HEATR5B: variants seen among roughly 807,000 people sequenced by gnomAD.
HEATR5B encodes HEAT repeat containing 5B.
HEATR5B carries 156 observed loss-of-function variants against 224.1 expected under a neutral mutation model. The observed-to-expected ratio is 0.70, with a 90% CI of 0.61 to 0.80. The LOEUF is 0.80. Among genes scored for constraint, HEATR5B ranks in the 30% least tolerant of loss-of-function variants. The pLI is 0.00. For synonymous variants in HEATR5B, 1,027 were observed against 893.0 expected (o/e 1.15, Z -2.68); for missense variants, 2,323 against 2,535.5 (o/e 0.92, Z 1.80).
chr2:37,039,085 C>T (rs1669711222), intron 20 of HEATR5B, among the ~76,000 whole-genome samples: 1 of 150,540 alleles, frequency 6.6e-6, no homozygotes, highest in African/African-American at 2.4e-5. Flanking sequence ...CTTTGCAAGG[C>T]TGAGATGGGA....
In HEATR5B at chr2:36,997,671, G is replaced by A. The variant is rs373376118; in HGVS notation, c.5545+2915C>T. 4.1e-5 allele frequency among the ~76,000 whole-genome samples: 6 copies of A among 146,184 alleles called. No individual in the cohort carries two copies. The East Asian group carries it at 6.2e-4, about 15-fold the overall frequency. On this transcript the variant is annotated intron_variant, in intron 33 of 35. Coordinates refer to ENST00000233099, the MANE Select transcript of HEATR5B (RefSeq NM_019024.3). The stretch of plus-strand genomic sequence containing the variant: ...AACCTCTGCCACCCAGGTTCATGCC[G>A]TTCTCCTGCCTCAGCCTCCCAAGCA...
Position 36,997,182 on chromosome 2 carries a change from TTTTG to T in HEATR5B, c.5545+3400_5545+3403del, listed in dbSNP as rs1259554839. 5.9e-5 allele frequency among the ~76,000 whole-genome samples: 9 copies of T among 152,244 alleles called. No individual in the cohort carries two copies. The South Asian group carries it at 6.2e-4, about 11-fold the overall frequency. ...TGTTTTGATGGGTAGAAGTTAATTT[TTTTG>T]TTTGTTTGTTTGTTTTGAGATAGGG... On this transcript the variant is annotated intron_variant, in intron 33 of 35. Transcript: ENST00000233099.
intron 18 of HEATR5B, among the ~76,000 whole-genome samples, chr2:37,044,520 G>A (rs2148508121): frequency 6.6e-6 from 1 of 152,212 alleles, no homozygotes; most frequent in East Asian, 1.9e-4. Context: ...ATTGATAATT[G>A]TGGATACTTT....
At chr2:37,041,082 T>C (rs758026088) in intron 19 of HEATR5B, 51 bp downstream of exon 19, 35 of 1,483,478 alleles carry the variant, frequency 2.4e-5, no homozygotes, top group Non-Finnish European at 3.2e-5. Context: ...GCAAATAATT[T>C]TCCAAAAAAT....
At chr2:37,072,611 C>T (rs1671975572) in intron 5 of HEATR5B, among the ~76,000 whole-genome samples, 1 of 151,988 alleles carries the variant, frequency 6.6e-6, no homozygotes, top group South Asian at 2.1e-4. Flanking sequence ...TGAAGGAGAG[C>T]AAATTCAACA....
intron 27 of HEATR5B, among the ~76,000 whole-genome samples, chr2:37,010,606 C>T (rs1375931209): frequency 6.6e-6 from 1 of 151,940 alleles, no homozygotes; most frequent in East Asian, 1.9e-4. Context: ...CTCCACCTCC[C>T]GGGTTCAAGT....
At chr2:37,006,793 A>G (rs1667451906) in intron 29 of HEATR5B, among the ~76,000 whole-genome samples, 1 of 152,272 alleles carries the variant, frequency 6.6e-6, no homozygotes, top group Non-Finnish European at 1.5e-5. Context: ...TAAAAAACAT[A>G]TTACGTTTTT....
intron 10 of HEATR5B, among the ~76,000 whole-genome samples, chr2:37,063,088 C>T (rs1457408663): frequency 2.0e-5 from 3 of 152,168 alleles, no homozygotes; most frequent in Non-Finnish European, 4.4e-5. Flanking sequence ...GTCTGAGCCA[C>T]CACGCCCAGG....
chr2:37,066,015 T>C, intron 8 of HEATR5B, 105 bp from the exon 9 acceptor site: 1 of 906,754 alleles, frequency 1.1e-6, no homozygotes, highest in South Asian at 1.9e-5. Flanking sequence ...GATGTCCGAG[T>C]GTTAAAAACT....
chr2:36,991,915 T>C (rs989994273), intron 33 of HEATR5B, among the ~76,000 whole-genome samples: 10 of 152,288 alleles, frequency 6.6e-5, no homozygotes, highest in African/African-American at 2.4e-4. Flanking sequence ...ATTAACTTAA[T>C]GTAAAGAAAT....
At chr2:37,070,449 T>C in intron 6 of HEATR5B, 62 bp from the exon 7 acceptor site, 2 of 1,289,750 alleles carry the variant, frequency 1.6e-6, no homozygotes, top group Non-Finnish European at 2.2e-6. Flanking sequence ...AGCTTAATAA[T>C]TCAAGTAATT....
In HEATR5B at chr2:37,057,328, T is replaced by C; in HGVS notation, c.2212A>G (p.Ile738Val). Residue 738 changes from isoleucine (I) to valine (V), a missense_variant, in exon 15 of 36, where the codon ATT (isoleucine) becomes GTT (valine). Ile to Val is a conservative substitution (Grantham distance 29). Transcript: ENST00000233099. ...SWLQETDHKS[I>V]EDQLQPNSAS... ...TCTATGTTTATTACCTGGTCTTCAA[T>C]TGATTTATGATCAGTTTCCTGAAGC... 8 of 1,602,728 alleles carry C rather than the reference T, an allele frequency of 5.0e-6. No homozygotes were observed. The highest frequency in any genetic ancestry group is 6.8e-6 in the Non-Finnish European group (8 of 1,176,364).
chr2:36,981,812 T>C lies in HEATR5B; in HGVS notation c.5912-18A>G, dbSNP rs764066213. The stretch of plus-strand genomic sequence containing the variant: ...CTGGACTCCTGTAAATAATAAAGTA[T>C]GAAAAAAGATCACAAACATAAGGAT... On this transcript the variant is annotated intron_variant, in intron 35 of 35. Transcript: ENST00000233099. 1 of 1,541,796 alleles carries C rather than the reference T, an allele frequency of 6.5e-7. No homozygotes were observed. Among genetic ancestry groups the C allele is most frequent in the African/African-American group, 1.4e-5 (1 of 71,960 alleles).
intron 21 of HEATR5B, among the ~76,000 whole-genome samples, chr2:37,034,072 T>C (rs929490003): frequency 2.0e-5 from 3 of 152,044 alleles, no homozygotes; most frequent in Non-Finnish European, 4.4e-5. Context: ...AGGCTATTAA[T>C]ATAGCATTTG....
chr2:37,052,267 A>C (rs2148531074), intron 17 of HEATR5B, among the ~76,000 whole-genome samples: 1 of 152,350 alleles, frequency 6.6e-6, no homozygotes. Flanking sequence ...TATTTGTAAC[A>C]GTGGTCCCCT....
intron 27 of HEATR5B, among the ~76,000 whole-genome samples, chr2:37,009,532 G>A (rs750828992): frequency 5.7e-4 from 87 of 151,736 alleles, no homozygotes; most frequent in Non-Finnish European, 1.0e-3. Flanking sequence ...AGCTATGATC[G>A]TGCCACTGCA....
intron 35 of HEATR5B, 52 bp from the exon 36 acceptor site, chr2:36,981,846 A>C: frequency 7.3e-7 from 1 of 1,364,702 alleles, no homozygotes; most frequent in Non-Finnish European, 1.0e-6. Flanking sequence ...ATTATAATAA[A>C]CTTTAAAAAC....
chr2:37,078,224 A>ATT (rs1283378265), intron 3 of HEATR5B, among the ~76,000 whole-genome samples: 14 of 152,260 alleles, frequency 9.2e-5, no homozygotes, highest in Admixed American at 2.6e-4. Flanking sequence ...AAGAGAGGTT[A>ATT]ACTAAATTTA....
chr2:37,009,781 T>TC lies in HEATR5B; in HGVS notation c.4285-934_4285-933insG, dbSNP rs200184336. 5.8e-4 allele frequency among the ~76,000 whole-genome samples: 74 copies of TC among 127,156 alleles called. 1 individual carries two copies. The highest frequency in any genetic ancestry group is 1.5e-3 in the South Asian group (6 of 3,998). 83.4% of individuals were successfully genotyped at this position (127,156 alleles called of 152,430 possible). On this transcript the variant is annotated intron_variant, in intron 27 of 35. Coordinates refer to ENST00000233099, the MANE Select transcript of HEATR5B (RefSeq NM_019024.3). Reference sequence around the variant, plus strand: ...TTTACAAAGCACCCCCCGCCTCCACTTTTTTTTTTTTTTTTTTGCCACAGG... The same window carrying TC: ...TTTACAAAGCACCCCCCGCCTCCACTCTTTTTTTTTTTTTTTTTGCCACAGG...
Sources: allele counts gnomAD v4.1 joint callset (sites outside exome capture counted in the v4.1 genomes callset), GRCh38; gene constraint gnomAD v4.1.1; transcripts MANE v1.5; gene names NCBI Gene and HGNC (gene_info 2026-07-23, HGNC 2026-07-21).